The following ARHGAP45 variants were observed in gnomAD, a reference collection of about 807,000 sequenced individuals.
ARHGAP45 encodes Rho GTPase activating protein 45, also known as rho GTPase-activating protein 45.
A neutral mutation model predicts 116.1 loss-of-function variants in ARHGAP45; 56 were observed. The ratio of observed to expected loss-of-function variants is 0.48; its 90% CI spans 0.39 to 0.60. The LOEUF is 0.60. ARHGAP45 is among the 20% of genes least tolerant of loss of function. The pLI, the probability that ARHGAP45 is intolerant of heterozygous loss-of-function variation, is 0.00. For missense variants in ARHGAP45, 1,622 were observed against 1,601.0 expected (o/e 1.01, Z -0.22); for synonymous variants, 866 against 701.7 (o/e 1.23, Z -3.70).
chr19:1,080,021 C>T lies in ARHGAP45; in HGVS notation c.1606C>T (p.Pro536Ser). Reference protein sequence around the residue: ...MLCESSKLYDPGQQYASHVRQ... With the variant: ...MLCESSKLYDSGQQYASHVRQ... Reference sequence around the variant, plus strand: ...GTGTGAGAGCAGCAAGCTGTATGACCCAGGCCAGCAGTACGCCTCCCACGT... The same window carrying T: ...GTGTGAGAGCAGCAAGCTGTATGACTCAGGCCAGCAGTACGCCTCCCACGT... Residue 536 changes from proline (P) to serine (S), a missense_variant, in exon 13 of 23, where the codon CCA becomes TCA. By Grantham distance (74) the Pro-to-Ser change is moderately conservative (BLOSUM62 -1). Coordinates refer to ENST00000313093, the MANE Select transcript of ARHGAP45 (RefSeq NM_012292.5). 6.2e-7 allele frequency: 1 copy of T among 1,612,946 alleles called. No individual in the cohort carries two copies. The highest frequency in any genetic ancestry group is 8.5e-7 in the Non-Finnish European group (1 of 1,179,920).
In ARHGAP45 at chr19:1,068,304, G is replaced by A; in HGVS notation, c.91-110G>A. On this transcript the variant is annotated intron_variant, in intron 1 of 22. Transcript: ENST00000313093. The surrounding 1 kb of genome is among the most constrained non-coding windows in gnomAD (Gnocchi z 7.5). ...GTGACCTCTGGCCTTTGACCCCTGTGGGGTCAGGGTGATGGTGGCCCTCCA... is the reference window on the plus strand; with the variant it reads ...GTGACCTCTGGCCTTTGACCCCTGTAGGGTCAGGGTGATGGTGGCCCTCCA... 1.0e-6 allele frequency: 1 copy of A among 967,680 alleles called. No individual in the cohort carries two copies. The highest frequency in any genetic ancestry group is 1.5e-6 in the Non-Finnish European group (1 of 672,704). The allele number at this position is 967,680 out of a possible 1,614,324, so 59.9% of individuals were successfully genotyped here. A position where few individuals can be genotyped will look rare whatever the true frequency, so the allele number is the denominator to read the frequency against.
rs1293180546 is a variant in ARHGAP45, at chr19:1,068,580, C to T, written c.257C>T (p.Thr86Ile). The T allele has an allele frequency of 6.2e-7, 1 of 1,610,628 alleles. No individual in the cohort carries two copies. The highest frequency in any genetic ancestry group is 1.1e-5 in the South Asian group (1 of 90,966). The change falls in exon 2 of 23, where the codon ACA becomes ATA. Residue 86 changes from threonine (T) to isoleucine (I), a missense_variant. This residue lies in a region of ARHGAP45 where 279 missense variants were observed against 311.9 expected (regional missense o/e 0.89). Coordinates refer to ENST00000313093, the MANE Select transcript of ARHGAP45 (RefSeq NM_012292.5). This position sits in a 1 kb window ranked among gnomAD's most constrained non-coding sequence, Gnocchi z 7.5. ...CCCCTGTCGGGTGCTGCCTCCTGGA[C>T]ACTGGGCCGGAGCCACCGGAGCCCA... Reference protein sequence around the residue: ...GFPLSGAASWTLGRSHRSPLT... With the variant: ...GFPLSGAASWILGRSHRSPLT...
intron 22 of ARHGAP45, among the ~76,000 whole-genome samples, chr19:1,085,322 G>T (rs2145100675): frequency 6.6e-6 from 1 of 152,222 alleles, no homozygotes; most frequent in Middle Eastern, 3.4e-3. Flanking sequence ...CGCACCTCCA[G>T]GATTCAACCA....
intron 21 of ARHGAP45, 47 bp from the exon 22 acceptor site, chr19:1,084,191 G>A (rs367836520): frequency 8.4e-6 from 13 of 1,550,142 alleles, no homozygotes; most frequent in South Asian, 1.1e-5. Flanking sequence ...TTATAACATG[G>A]AAAATGGAGC....
chr19:1,084,105 C>G (rs1366223258), intron 21 of ARHGAP45, 133 bp from the exon 22 acceptor site: 1 of 806,204 alleles, frequency 1.2e-6, no homozygotes, highest in Non-Finnish European at 2.1e-6. Context: ...CGGGTTTGCT[C>G]TTGGCTGAGG....
intron 2 of ARHGAP45, 99 bp from the exon 3 acceptor site, chr19:1,073,050 T>G: frequency 1.4e-6 from 2 of 1,399,160 alleles, no homozygotes; most frequent in Non-Finnish European, 1.9e-6. Flanking sequence ...TGCCTCAGTT[T>G]CCCCATCTGG....
chr19:1,077,090 G>T, intron 10 of ARHGAP45: 1 of 985,372 alleles, frequency 1.0e-6, no homozygotes, highest in Non-Finnish European at 1.2e-6. Context: ...CAGGTTGTGA[G>T]GTGTGGCCCC....
intron 22 of ARHGAP45, among the ~76,000 whole-genome samples, chr19:1,085,455 CTCT>C: frequency 6.6e-6 from 1 of 150,642 alleles, no homozygotes; most frequent in South Asian, 2.1e-4. Context: ...CCTTGTCTCT[CTCT>C]CCTCCTCCCC....
At position 1,068,404 on chromosome 19, in the gene ARHGAP45, C is replaced by CCTGCCCAAGGAG; in HGVS notation, c.91-2_100dup. On this transcript the variant is annotated splice_polypyrimidine_tract_variant and intron_variant, in intron 1 of 22. Transcript: ENST00000313093. This position sits in a 1 kb window ranked among gnomAD's most constrained non-coding sequence, Gnocchi z 7.5. ...ATCCCTTTAACGAGCTCCCCTCGGACCTGCCCAAGGAGCTGCCCAGGAAGG... is the reference window on the plus strand; with the variant it reads ...ATCCCTTTAACGAGCTCCCCTCGGACCTGCCCAAGGAGCTGCCCAAGGAGCTGCCCAGGAAGG... 1 of 1,533,004 alleles carries CCTGCCCAAGGAG rather than the reference C, an allele frequency of 6.5e-7. No homozygotes were observed. The highest frequency in any genetic ancestry group is 1.2e-5 in the South Asian group (1 of 82,540). The allele number at this position is 1,533,004 out of a possible 1,614,324, so 95.0% of individuals were successfully genotyped here. A position where few individuals can be genotyped will look rare whatever the true frequency, so the allele number is the denominator to read the frequency against.
At chr19:1,072,973 C>A (rs1479448342) in intron 2 of ARHGAP45, among the ~76,000 whole-genome samples, 176 bp from the exon 3 acceptor site, 2 of 152,124 alleles carry the variant, frequency 1.3e-5, no homozygotes, top group Non-Finnish European at 2.9e-5. Context: ...GGCCGGTAGC[C>A]CAGGGAGGGA....
Position 1,067,234 on chromosome 19 carries a change from G to A in ARHGAP45, c.-172G>A, listed in dbSNP as rs2043051779. The A allele has an allele frequency of 7.5e-7, 1 of 1,342,038 alleles. No homozygotes were observed. Among genetic ancestry groups the A allele is most frequent in the Non-Finnish European group, 9.5e-7 (1 of 1,054,008 alleles). The allele number at this position is 1,342,038 out of a possible 1,614,324, so 83.1% of individuals were successfully genotyped here. On this transcript the variant is annotated 5_prime_UTR_variant, in exon 1 of 23. Transcript: ENST00000313093. ...GAGGCCGCGTCGCCGCCTCCCCGAA[G>A]CCTTTTCCTGTTGGGGGGAGGGCCC...
intron 19 of ARHGAP45, 90 bp downstream of exon 19, chr19:1,082,051 G>T: frequency 9.0e-7 from 1 of 1,116,406 alleles, no homozygotes; most frequent in Non-Finnish European, 1.2e-6. Context: ...GCTGGAGCAG[G>T]ACTGAGCTGG....
At position 1,081,019 on chromosome 19, in the gene ARHGAP45, C is replaced by T. The variant is rs143494980; in HGVS notation, c.2145C>T (p.Arg715=). ...LRKLRTPAKC[R]ECNSYVYFQG... ...AGCTCCGCACGCCCGCCAAGTGCCG[C>T]GAGTGCAACAGCTACGTCTACTTCC... Residue 715 remains arginine, a synonymous_variant, in exon 17 of 23, where the codon CGC becomes CGT. Transcript: ENST00000313093. The T allele has an allele frequency of 5.0e-5, 80 of 1,609,078 alleles. No homozygotes were observed. In the African/African-American group the frequency reaches 1.1e-3, roughly 21 times the overall value.
rs1294479137 is a variant in ARHGAP45, at chr19:1,078,027, G to A, written c.1356G>A (p.Glu452=). The change falls in exon 11 of 23, where the codon GAG becomes GAA. Residue 452 remains glutamate (E), a synonymous_variant. Transcript: ENST00000313093. The part of the protein sequence containing the change: ...TKTLDKRRRL[E]EEAKNKAEEA... ...CCCTGGACAAGCGGCGGCGGCTGGA[G>A]GAGGAGGCCAAGAACAAGGTGAGGG... is the stretch of plus-strand genomic sequence containing the variant. 7.1e-6 allele frequency: 11 copies of A among 1,554,442 alleles called. No individual in the cohort carries two copies. Among genetic ancestry groups the A allele is most frequent in the Non-Finnish European group, 9.6e-6 (11 of 1,147,566 alleles).
upstream of ARHGAP45, chr19:1,066,399 C>G (rs1297426761): frequency 2.3e-5 from 13 of 556,232 alleles, no homozygotes; most frequent in African/African-American, 2.1e-4. Context: ...CTGCCCAGCA[C>G]GTCCGGTGGT....
At position 1,069,737 on chromosome 19, in the gene ARHGAP45, C is replaced by T. The variant is rs2043103612; in HGVS notation, c.421+993C>T. Among the ~76,000 whole-genome samples, 1 of 152,056 alleles carries T rather than the reference C, an allele frequency of 6.6e-6. No homozygotes were observed. The highest frequency in any genetic ancestry group is 2.1e-4 in the South Asian group (1 of 4,830). ...CGGTTCCTTTCCGATCCTGGCGCTT[C>T]CTTGGAGGCCTGGCCTGGGCGGGGC... On this transcript the variant is annotated intron_variant, in intron 2 of 22. Transcript: ENST00000313093. This position sits in a 1 kb window ranked among gnomAD's most constrained non-coding sequence, Gnocchi z 4.1.
At position 1,086,325 on chromosome 19, in the gene ARHGAP45, C is replaced by T. The variant is rs2043649599; in HGVS notation, c.*319C>T. On this transcript the variant is annotated 3_prime_UTR_variant, in exon 23 of 23. Transcript: ENST00000313093. ...GTGGATGGAGGAAGCTGTCCCTGCC[C>T]AGTGCATCCCCCAGGTCATCACGGG... is the stretch of plus-strand genomic sequence containing the variant. The T allele has an allele frequency of 3.3e-6, 1 of 301,402 alleles. No individual in the cohort carries two copies. 18.7% of individuals were successfully genotyped at this position (301,402 alleles called of 1,614,324 possible). A position where few individuals can be genotyped will look rare whatever the true frequency, so the allele number is the denominator to read the frequency against.
chr19:1,081,091 TG>T, intron 17 of ARHGAP45, 27 bp downstream of exon 17: 1 of 1,584,174 alleles, frequency 6.3e-7, no homozygotes, highest in Middle Eastern at 2.1e-4. Flanking sequence ...GACGGACAGC[TG>T]GGAGCCTTCG....
Position 1,067,210 on chromosome 19 carries a change from A to C in ARHGAP45, c.-196A>C. On this transcript the variant is annotated 5_prime_UTR_variant, in exon 1 of 23. Coordinates refer to ENST00000313093, the MANE Select transcript of ARHGAP45 (RefSeq NM_012292.5). ...CTGAGGCCGGGAAGGGTCGGGGGCGAGGCCGCGTCGCCGCCTCCCCGAAGC... is the reference window on the plus strand; with the variant it reads ...CTGAGGCCGGGAAGGGTCGGGGGCGCGGCCGCGTCGCCGCCTCCCCGAAGC... The C allele has an allele frequency of 7.4e-7, 1 of 1,354,014 alleles. No individual in the cohort carries two copies. Among genetic ancestry groups the C allele is most frequent in the Non-Finnish European group, 9.4e-7 (1 of 1,059,008 alleles). The allele number at this position is 1,354,014 out of a possible 1,614,324, so 83.9% of individuals were successfully genotyped here.
Sources: gnomAD v4.1 joint callset for allele counts (sites outside exome capture counted in the v4.1 genomes callset) on GRCh38, gnomAD v4.1.1 for gene constraint, gnomAD v4.1.1 regional missense constraint, Gnocchi (gnomAD v3.1) non-coding constraint, MANE v1.5 for transcripts, NCBI Gene and HGNC (gene_info 2026-07-23, HGNC 2026-07-21) for gene names.